SP4: variants seen among roughly 807,000 people sequenced by gnomAD.
The protein encoded by SP4 is Sp4 transcription factor.
In SP4, 19 loss-of-function variants were observed where a neutral mutation model predicts 72.8. The observed-to-expected ratio is 0.26, with a 90% CI of 0.18 to 0.38. The LOEUF (loss-of-function observed/expected upper bound fraction) is 0.38, where lower values mean the gene tolerates loss of function less well. SP4 is among the 10% of genes least tolerant of loss of function. The pLI is 1.00. For missense variants in SP4, 1,008 were observed against 926.3 expected (o/e 1.09, Z -1.14); for synonymous variants, 395 against 333.1 (o/e 1.19, Z -2.02).
chr7:21,428,165 G>C lies in SP4; in HGVS notation c.-87G>C. 1 of 769,978 alleles carries C rather than the reference G, an allele frequency of 1.3e-6. No homozygotes were observed. The highest frequency in any genetic ancestry group is 2.3e-6 in the Non-Finnish European group (1 of 432,700). The allele number at this position is 769,978 out of a possible 1,614,324, so 47.7% of individuals were successfully genotyped here. On this transcript the variant is annotated 5_prime_UTR_variant, in exon 1 of 6. Coordinates refer to ENST00000222584, the MANE Select transcript of SP4 (RefSeq NM_003112.5). The stretch of plus-strand genomic sequence containing the variant: ...TCCTCCGAGCCACCGCGGGCGGGCG[G>C]GACCGGCCTCTCCTCCCGCCTCGCC...
chr7:21,458,573 T>G (rs1005083906), intron 3 of SP4, among the ~76,000 whole-genome samples: 8 of 152,240 alleles, frequency 5.3e-5, no homozygotes, highest in Non-Finnish European at 1.0e-4. Context: ...TGTTCTCATC[T>G]CTTCTCCCTT....
At position 21,481,637 on chromosome 7, in the gene SP4, TAG is replaced by T. The variant is rs1784692088; in HGVS notation, c.1908-281_1908-280del. Among the ~76,000 whole-genome samples the T allele has an allele frequency of 3.3e-5, 5 of 152,306 alleles. No homozygotes were observed. In the South Asian group the frequency reaches 1.0e-3, roughly 32 times the overall value. ...GAAGTTTCAAGTGTTTTGAAAGGCT[TAG>T]AGAGATTTTTTTCCCAAGGGAAGAG... On this transcript the variant is annotated intron_variant, in intron 4 of 5. Coordinates refer to ENST00000222584, the MANE Select transcript of SP4 (RefSeq NM_003112.5).
At chr7:21,447,207 C>G (rs1377123736) in intron 3 of SP4, among the ~76,000 whole-genome samples, 2 of 152,202 alleles carry the variant, frequency 1.3e-5, no homozygotes, top group Admixed American at 6.5e-5. Flanking sequence ...GATTCTCTAG[C>G]TTACAAGCAG....
chr7:21,467,558 T>C (rs1784204114), intron 3 of SP4, among the ~76,000 whole-genome samples: 1 of 152,168 alleles, frequency 6.6e-6, no homozygotes, highest in South Asian at 2.1e-4. Context: ...TGGTTATCTT[T>C]TTATGTTTAG....
intron 3 of SP4, among the ~76,000 whole-genome samples, chr7:21,441,934 A>C (rs953209635): frequency 1.3e-5 from 2 of 151,980 alleles, no homozygotes; most frequent in Admixed American, 6.5e-5. Context: ...TGTGGGAGAC[A>C]CACTGTACTT....
At chr7:21,475,676 G>T (rs1411853902) in intron 3 of SP4, among the ~76,000 whole-genome samples, 1 of 152,062 alleles carries the variant, frequency 6.6e-6, no homozygotes, top group African/African-American at 2.4e-5. Flanking sequence ...TGTTAGCCAG[G>T]ATGGTCTCGA....
intron 3 of SP4, among the ~76,000 whole-genome samples, chr7:21,443,143 AGTAT>A (rs1774183799): frequency 6.6e-6 from 1 of 152,210 alleles, no homozygotes. Flanking sequence ...TATATATGTA[AGTAT>A]GTGTATTAAT....
Position 21,494,345 on chromosome 7 carries a change from A to G in SP4, c.2107+12222A>G, listed in dbSNP as rs553397845. On this transcript the variant is annotated intron_variant, in intron 5 of 5. Transcript: ENST00000222584. Reference sequence around the variant, plus strand: ...AGATTCTAATAGAAGAAATAAAACTATCTTTATTTGCAGACACCAGGTTGT... The same window carrying G: ...AGATTCTAATAGAAGAAATAAAACTGTCTTTATTTGCAGACACCAGGTTGT... Among the ~76,000 whole-genome samples the G allele has an allele frequency of 1.4e-4, 21 of 152,304 alleles. No homozygotes were observed. The East Asian group carries it at 2.7e-3, about 20-fold the overall frequency.
intron 1 of SP4, 125 bp from the exon 2 acceptor site, chr7:21,428,552 G>A: frequency 9.7e-7 from 1 of 1,026,818 alleles, no homozygotes; most frequent in Non-Finnish European, 1.4e-6. Context: ...GCCGGTGTGC[G>A]TGGATCGCGG....
chr7:21,461,703 G>T (rs866805788), intron 3 of SP4, among the ~76,000 whole-genome samples: 10 of 152,242 alleles, frequency 6.6e-5, no homozygotes, highest in Non-Finnish European at 1.2e-4. Flanking sequence ...CGATGCAGCG[G>T]TGGGCTGAAG....
intron 5 of SP4, among the ~76,000 whole-genome samples, chr7:21,484,813 C>T (rs138081681): frequency 2.6e-5 from 4 of 151,832 alleles, no homozygotes; most frequent in Non-Finnish European, 5.9e-5. Context: ...AAGTCCCTCT[C>T]TCTTACACAT....
chr7:21,479,919 A>G (rs1026522104), intron 4 of SP4, among the ~76,000 whole-genome samples: 2 of 152,172 alleles, frequency 1.3e-5, no homozygotes, highest in African/African-American at 4.8e-5. Context: ...GTAGAAATAC[A>G]TTTTTTAATG....
chr7:21,479,923 T>G (rs1784630235), intron 4 of SP4, among the ~76,000 whole-genome samples: 1 of 152,238 alleles, frequency 6.6e-6, no homozygotes, highest in Non-Finnish European at 1.5e-5. Flanking sequence ...AAATACATTT[T>G]TTAATGTATT....
At chr7:21,449,575 G>T (rs995572989) in intron 3 of SP4, among the ~76,000 whole-genome samples, 1 of 152,124 alleles carries the variant, frequency 6.6e-6, no homozygotes, top group African/African-American at 2.4e-5. Flanking sequence ...AAGTATACGT[G>T]TGTGTATATA....
At chr7:21,476,524 A>G (rs1330267369) in intron 3 of SP4, among the ~76,000 whole-genome samples, 1 of 152,164 alleles carries the variant, frequency 6.6e-6, no homozygotes, top group East Asian at 1.9e-4. Context: ...GTGGTTTTGC[A>G]TTTCAAAAAC....
intron 5 of SP4, among the ~76,000 whole-genome samples, chr7:21,483,858 T>C (rs1046668425): frequency 6.6e-6 from 1 of 151,810 alleles, no homozygotes; most frequent in South Asian, 2.1e-4. Context: ...GGACTCAGTA[T>C]TTCATTATTG....
chr7:21,454,113 A>G (rs1163460475), intron 3 of SP4, among the ~76,000 whole-genome samples: 1 of 152,222 alleles, frequency 6.6e-6, no homozygotes, highest in African/African-American at 2.4e-5. Flanking sequence ...CCTGGTAAGT[A>G]AGAAATTCTA....
At position 21,429,540 on chromosome 7, in the gene SP4, T is replaced by C. The variant is rs1019388828; in HGVS notation, c.375T>C (p.Ser125=). The C allele has an allele frequency of 1.2e-6, 2 of 1,614,152 alleles. No homozygotes were observed. Among genetic ancestry groups the C allele is most frequent in the Non-Finnish European group, 1.7e-6 (2 of 1,179,976 alleles). The change falls in exon 3 of 6, where the codon TCT becomes TCC. Residue 125 remains serine, a synonymous_variant. Transcript: ENST00000222584. ...TTTCTCAACCAGCCTCTAGTTCGTC[T>C]AGTTCTTCCAGCAGTAATAACGGGA... ...NNVSQPASSS[S]SSSSSNNGSA...
chr7:21,470,749 GA>G (rs11406915), intron 3 of SP4, among the ~76,000 whole-genome samples: 9,762 of 105,298 alleles, frequency 0.093, 341 homozygotes, highest in Non-Finnish European at 0.12. Flanking sequence ...TCTATATTTG[GA>G]AAAAAAAAAA....
Sources: allele counts gnomAD v4.1 joint callset (sites outside exome capture counted in the v4.1 genomes callset), GRCh38; gene constraint gnomAD v4.1.1; transcripts MANE v1.5; gene names NCBI Gene and HGNC (gene_info 2026-07-23, HGNC 2026-07-21).